MYO10: variants seen among roughly 807,000 people sequenced by gnomAD.
MYO10 encodes the protein unconventional myosin-X.
Under a neutral mutation model 257.3 loss-of-function variants are expected in MYO10, and 133 were observed. The observed-to-expected ratio is 0.52, with a 90% CI of 0.45 to 0.60. The LOEUF (loss-of-function observed/expected upper bound fraction) is 0.60. Among genes scored for constraint, MYO10 ranks in the 20% least tolerant of loss-of-function variants. The pLI is 0.00. For synonymous variants in MYO10, 1,104 were observed against 1,028.6 expected (o/e 1.07, Z -1.40); for missense variants, 2,399 against 2,635.7 (o/e 0.91, Z 1.97).
intron 16 of MYO10, 64 bp from the exon 17 acceptor site, chr5:16,761,610 T>C (rs918680848): frequency 3.4e-6 from 4 of 1,179,940 alleles, no homozygotes; most frequent in Non-Finnish European, 5.0e-6. Flanking sequence ...CATAAGCAAC[T>C]TCCCTGAAAG....
At chr5:16,882,839 A>T (rs1366513961) in intron 1 of MYO10, among the ~76,000 whole-genome samples, 2 of 151,714 alleles carry the variant, frequency 1.3e-5, no homozygotes, top group Non-Finnish European at 1.5e-5. Flanking sequence ...ATGTGCTGAA[A>T]ATCATTCTAC....
intron 1 of MYO10, among the ~76,000 whole-genome samples, chr5:16,893,956 T>C (rs987461485): frequency 6.6e-6 from 1 of 152,104 alleles, no homozygotes; most frequent in Non-Finnish European, 1.5e-5. Context: ...AGCCAGGCAG[T>C]GGAGTGCAGT....
chr5:16,694,037 C>A (rs1737623119), intron 27 of MYO10, among the ~76,000 whole-genome samples: 1 of 152,222 alleles, frequency 6.6e-6, no homozygotes, highest in Admixed American at 6.5e-5. Context: ...GAAAGTGATA[C>A]ATTAACCCAT....
At chr5:16,745,283 A>C (rs955512037) in intron 19 of MYO10, among the ~76,000 whole-genome samples, 1 of 152,210 alleles carries the variant, frequency 6.6e-6, no homozygotes, top group Non-Finnish European at 1.5e-5. Context: ...TGGAGGTTGC[A>C]GTGAGCCAAG....
chr5:16,845,740 T>C (rs113159404), intron 2 of MYO10, among the ~76,000 whole-genome samples: 7,934 of 151,716 alleles, frequency 0.052, 716 homozygotes, highest in African/African-American at 0.18. Context: ...CCGAGGCGGG[T>C]GGATCACAAG....
intron 1 of MYO10, 71 bp from the exon 2 acceptor site, chr5:16,877,778 T>A: frequency 2.7e-6 from 3 of 1,128,288 alleles, no homozygotes. Flanking sequence ...CTGTCGAAAT[T>A]ACCCTAACTC....
At chr5:16,703,473 T>G (rs1489618570) in intron 22 of MYO10, among the ~76,000 whole-genome samples, 1 of 152,204 alleles carries the variant, frequency 6.6e-6, no homozygotes, top group African/African-American at 2.4e-5. Context: ...ATCTGATATA[T>G]TCTCCTGTTC....
At chr5:16,718,287 C>G (rs1163964626) in intron 19 of MYO10, among the ~76,000 whole-genome samples, 1 of 152,256 alleles carries the variant, frequency 6.6e-6, no homozygotes, top group Non-Finnish European at 1.5e-5. Context: ...GCACCGCCCC[C>G]TGCTCCACGG....
chr5:16,866,509 C>G (rs544803112), intron 2 of MYO10, among the ~76,000 whole-genome samples: 1 of 152,120 alleles, frequency 6.6e-6, no homozygotes, highest in East Asian at 1.9e-4. Flanking sequence ...CTAGAAACGG[C>G]AATTTCATAT....
chr5:16,742,304 T>TAA (rs1740045047), intron 19 of MYO10: 1 of 949,980 alleles, frequency 1.1e-6, no homozygotes, highest in Admixed American at 6.2e-5. Context: ...GACAACTTGG[T>TAA]AAACAGGATG....
intron 2 of MYO10, among the ~76,000 whole-genome samples, chr5:16,851,159 G>C (rs1743791445): frequency 1.3e-5 from 2 of 152,036 alleles, no homozygotes; most frequent in South Asian, 4.2e-4. Context: ...TCTACCATGA[G>C]CTCAATTATA....
In MYO10 at chr5:16,703,543, G is replaced by A. The variant is rs374286189; in HGVS notation, c.2277-385C>T. 3.9e-5 allele frequency among the ~76,000 whole-genome samples: 6 copies of A among 152,254 alleles called. No individual in the cohort carries two copies. In the East Asian group the frequency reaches 7.7e-4, roughly 20 times the overall value. On this transcript the variant is annotated intron_variant, in intron 22 of 40. Coordinates refer to ENST00000513610, the MANE Select transcript of MYO10 (RefSeq NM_012334.3). ...TGCTTCAGAAAATGTAACACGTAGT[G>A]TTTCACGGGCATAGTGGATGCAACT...
chr5:16,915,029 C>G (rs558256242), intron 1 of MYO10, among the ~76,000 whole-genome samples: 1 of 152,334 alleles, frequency 6.6e-6, no homozygotes, highest in South Asian at 2.1e-4. Flanking sequence ...GATTCATGAA[C>G]AAGCTCTTCA....
chr5:16,673,470 T>C (rs897740711), intron 36 of MYO10, among the ~76,000 whole-genome samples: 8 of 152,168 alleles, frequency 5.3e-5, no homozygotes, highest in Non-Finnish European at 1.5e-5. Context: ...TCTCAGGTAC[T>C]TTATCTCTGT....
At chr5:16,878,184 T>G (rs1744659088) in intron 1 of MYO10, among the ~76,000 whole-genome samples, 2 of 152,176 alleles carry the variant, frequency 1.3e-5, no homozygotes, top group Admixed American at 6.5e-5. Context: ...CTTCAGAAAC[T>G]AATGGCTCCC....
In MYO10 at chr5:16,731,074, C is replaced by A. The variant is rs867486064; in HGVS notation, c.1930-19829G>T. On this transcript the variant is annotated intron_variant, in intron 19 of 40. Transcript: ENST00000513610. ...TTTTTTTTTTTTTTGGAGACTGAGT[C>A]TCGCTCTGTCGCCCAGGCTGGAGTG... 4.8e-5 allele frequency among the ~76,000 whole-genome samples: 7 copies of A among 146,006 alleles called. No individual in the cohort carries two copies. The South Asian group carries it at 1.5e-3, about 32-fold the overall frequency.
intron 2 of MYO10, among the ~76,000 whole-genome samples, chr5:16,870,010 C>T (rs1744406508): frequency 6.6e-6 from 1 of 151,234 alleles, no homozygotes; most frequent in Non-Finnish European, 1.5e-5. Context: ...CGAAACAATA[C>T]ACTGTGATCT....
chr5:16,681,743 A>T, intron 31 of MYO10, 128 bp downstream of exon 31: 1 of 1,241,684 alleles, frequency 8.1e-7, no homozygotes, highest in Non-Finnish European at 1.1e-6. Flanking sequence ...ATTAAAAATC[A>T]CTTACAAAAT....
chr5:16,854,897 G>A (rs549355106), intron 2 of MYO10, among the ~76,000 whole-genome samples: 11 of 152,010 alleles, frequency 7.2e-5, no homozygotes, highest in East Asian at 1.9e-4. Flanking sequence ...CCGGGCGTGC[G>A]TGGCGGGCAC....
Sources: allele counts gnomAD v4.1 joint callset (sites outside exome capture counted in the v4.1 genomes callset), GRCh38; gene constraint gnomAD v4.1.1; transcripts MANE v1.5; gene names NCBI Gene and HGNC (gene_info 2026-07-23, HGNC 2026-07-21).